The following IGFBPL1 variants were observed in gnomAD, a reference collection of about 807,000 sequenced individuals.
IGFBPL1 encodes insulin like growth factor binding protein like 1.
IGFBPL1 carries 20 observed loss-of-function variants against 23.9 expected under a neutral mutation model. That is an observed-to-expected ratio of 0.84 (90% CI 0.59 to 1.22). IGFBPL1 has a LOEUF of 1.22. Ranked by LOEUF, IGFBPL1 falls within the 50% of genes most tolerant of loss-of-function variation. The pLI is 0.00. For missense variants in IGFBPL1, 436 were observed against 379.3 expected, an observed-to-expected ratio of 1.15 and a Z score of -1.24; for synonymous variants, 184 against 171.8, an observed-to-expected ratio of 1.07 and a Z score of -0.56.
chr9:38,410,687 G>A (rs1821502254), intron 4 of IGFBPL1, among the ~76,000 whole-genome samples: 1 of 152,212 alleles, frequency 6.6e-6, no homozygotes, highest in Non-Finnish European at 1.5e-5. Context: ...TGGAACATGA[G>A]CAAGTGATCA....
intron 1 of IGFBPL1, among the ~76,000 whole-genome samples, chr9:38,421,342 A>G (rs919609212): frequency 2.6e-5 from 4 of 151,458 alleles, no homozygotes; most frequent in Admixed American, 6.6e-5. Context: ...AGAATTATTC[A>G]TATGTGAGTC....
chr9:38,411,246 C>G, intron 4 of IGFBPL1, 145 bp downstream of exon 4: 1 of 650,904 alleles, frequency 1.5e-6, no homozygotes, highest in Non-Finnish European at 2.6e-6. Context: ...TACTGCTCAT[C>G]TAAGTATGTC....
chr9:38,420,874 C>G (rs1375846520), intron 1 of IGFBPL1, among the ~76,000 whole-genome samples: 2 of 152,150 alleles, frequency 1.3e-5, no homozygotes, highest in Non-Finnish European at 2.9e-5. Context: ...CAAACCTACA[C>G]TGGAGCCCTT....
chr9:38,415,505 A>T (rs1313014772), intron 1 of IGFBPL1, among the ~76,000 whole-genome samples: 1 of 152,198 alleles, frequency 6.6e-6, no homozygotes, highest in Non-Finnish European at 1.5e-5. Context: ...CCCTCCAGAC[A>T]GACTGGGAAG....
intron 1 of IGFBPL1, among the ~76,000 whole-genome samples, chr9:38,416,641 T>C (rs948844935): frequency 6.6e-6 from 1 of 151,834 alleles, no homozygotes; most frequent in Non-Finnish European, 1.5e-5. Context: ...CCTCAAAAAA[T>C]GTCATGTTGC....
At chr9:38,412,171 C>A (rs575940426) in intron 3 of IGFBPL1, among the ~76,000 whole-genome samples, 79 of 152,324 alleles carry the variant, frequency 5.2e-4, no homozygotes, top group African/African-American at 1.9e-3. Flanking sequence ...TTTCTCGTTA[C>A]AACCAACCGC....
In IGFBPL1 at chr9:38,407,190, C is replaced by T. The variant is rs534709431; in HGVS notation, c.*2037G>A. 2.0e-5 allele frequency among the ~76,000 whole-genome samples: 3 copies of T among 152,228 alleles called. No homozygotes were observed. The highest frequency in any genetic ancestry group is 4.4e-5 in the Non-Finnish European group (3 of 68,040). On this transcript the variant is annotated 3_prime_UTR_variant, in exon 5 of 5. Transcript: ENST00000377694. ...GAGCAGGTCCCCTGGCAGCTCCAAA[C>T]CCCAGTAGACAAGAACAGCTTCCAG...
rs1264494892 is a variant in IGFBPL1 at position 38,424,078 on chromosome 9, C to A, written c.347G>T (p.Gly116Val). 2.2e-6 allele frequency: 3 copies of A among 1,394,942 alleles called. No individual in the cohort carries two copies. Among genetic ancestry groups the A allele is most frequent in the Non-Finnish European group, 2.8e-6 (3 of 1,079,904 alleles). 86.4% of individuals were successfully genotyped at this position (1,394,942 alleles called of 1,614,324 possible). The change falls in exon 1 of 5, where the codon GGC becomes GTC. Residue 116 changes from glycine to valine, a missense_variant. Coordinates refer to ENST00000377694, the MANE Select transcript of IGFBPL1 (RefSeq NM_001007563.3). ...CVCAQRGTVC[G>V]SDGRSYPSVC... ...GCTGGGGTACGAGCGACCGTCGGAGCCGCAGACGGTGCCGCGCTGCGCGCA... is the reference window on the plus strand; with the variant it reads ...GCTGGGGTACGAGCGACCGTCGGAGACGCAGACGGTGCCGCGCTGCGCGCA...
At chr9:38,417,213 A>AG (rs1407547107) in intron 1 of IGFBPL1, among the ~76,000 whole-genome samples, 1 of 152,168 alleles carries the variant, frequency 6.6e-6, no homozygotes, top group Non-Finnish European at 1.5e-5. Flanking sequence ...CGAGCATTAA[A>AG]GGGTGTAGTG....
rs2118293179 is a variant in IGFBPL1, at chr9:38,408,584, CT to C, written c.*642del. Reference sequence around the variant, plus strand: ...TTAGGAATAGAAGAGCTACAGCCAGCTGTCCACACGTTGGGGTAAAGCAATG... The same window carrying C: ...TTAGGAATAGAAGAGCTACAGCCAGCGTCCACACGTTGGGGTAAAGCAATG... On this transcript the variant is annotated 3_prime_UTR_variant, in exon 5 of 5. Coordinates refer to ENST00000377694, the MANE Select transcript of IGFBPL1 (RefSeq NM_001007563.3). Among the ~76,000 whole-genome samples the C allele has an allele frequency of 6.6e-6, 1 of 152,198 alleles. No individual in the cohort carries two copies. The highest frequency in any genetic ancestry group is 1.9e-4 in the East Asian group (1 of 5,194).
chr9:38,412,110 A>C (rs1019604819), intron 3 of IGFBPL1, among the ~76,000 whole-genome samples: 2 of 152,104 alleles, frequency 1.3e-5, no homozygotes, highest in Non-Finnish European at 1.5e-5. Context: ...CTTAGGGAGC[A>C]CCCCAAGGAT....
intron 1 of IGFBPL1, among the ~76,000 whole-genome samples, chr9:38,419,944 C>A (rs1821656648): frequency 6.6e-6 from 1 of 151,370 alleles, no homozygotes; most frequent in South Asian, 2.1e-4. Context: ...AGGCGGAGTA[C>A]AGTGGCATGA....
In IGFBPL1 at chr9:38,424,345, C is replaced by G; in HGVS notation, c.80G>C (p.Gly27Ala). ...GCGCCGGCCGCCCACGTCGCGGATC[C>G]CAAGGCTCGGGGACAGCGGCGGCAG... ...PLLPPLSPSLGIRDVGGRRPK... is the reference protein window; with the variant it reads ...PLLPPLSPSLAIRDVGGRRPK... The change falls in exon 1 of 5, where the codon GGG (glycine) becomes GCG (alanine). Residue 27 changes from glycine (G) to alanine (A), a missense_variant. By Grantham distance (60) the Gly-to-Ala change is moderately conservative. Transcript: ENST00000377694. 1.1e-6 allele frequency: 1 copy of G among 945,848 alleles called. No individual in the cohort carries two copies. The highest frequency in any genetic ancestry group is 1.5e-6 in the Non-Finnish European group (1 of 652,298). The allele number at this position is 945,848 out of a possible 1,614,324, so 58.6% of individuals were successfully genotyped here.
intron 1 of IGFBPL1, among the ~76,000 whole-genome samples, chr9:38,418,595 A>G (rs111639019): frequency 1.1e-4 from 17 of 152,286 alleles, no homozygotes; most frequent in African/African-American, 4.1e-4. Flanking sequence ...CAGAGCCGCC[A>G]CACTGCCAGA....
rs1821445573 is a variant in IGFBPL1, at chr9:38,407,635, A to T, written c.*1592T>A. 2.6e-5 allele frequency among the ~76,000 whole-genome samples: 4 copies of T among 152,314 alleles called. No homozygotes were observed. The South Asian group carries it at 8.3e-4, about 32-fold the overall frequency. ...CAACATCTGCCTTTACATAGTTTTG[A>T]GATGACCCTGAGTAGCAGCACCGTG... On this transcript the variant is annotated 3_prime_UTR_variant, in exon 5 of 5. Transcript: ENST00000377694.
Position 38,407,028 on chromosome 9 carries a change from T to C in IGFBPL1, c.*2199A>G, listed in dbSNP as rs570733726. On this transcript the variant is annotated 3_prime_UTR_variant, in exon 5 of 5. Coordinates refer to ENST00000377694, the MANE Select transcript of IGFBPL1 (RefSeq NM_001007563.3). The stretch of plus-strand genomic sequence containing the variant: ...AGCATTCCTGTTCCTTCCCACATCA[T>C]TTCACTAAGGGTCTGACCAACTCAT... 6.6e-6 allele frequency among the ~76,000 whole-genome samples: 1 copy of C among 152,274 alleles called. No homozygotes were observed. Among genetic ancestry groups the C allele is most frequent in the Non-Finnish European group, 1.5e-5 (1 of 68,012 alleles).
At chr9:38,419,158 A>G (rs906289853) in intron 1 of IGFBPL1, among the ~76,000 whole-genome samples, 2 of 152,108 alleles carry the variant, frequency 1.3e-5, no homozygotes, top group Non-Finnish European at 2.9e-5. Flanking sequence ...AATCCCTCTG[A>G]GATTTCTTTA....
intron 1 of IGFBPL1, among the ~76,000 whole-genome samples, chr9:38,418,400 C>A (rs1277118380): frequency 6.6e-6 from 1 of 152,322 alleles, no homozygotes; most frequent in Admixed American, 6.5e-5. Flanking sequence ...TTGCAAGACC[C>A]CTTACAAACT....
intron 2 of IGFBPL1, among the ~76,000 whole-genome samples, chr9:38,413,584 C>T (rs1821548357): frequency 1.3e-5 from 2 of 152,180 alleles, no homozygotes; most frequent in African/African-American, 4.8e-5. Flanking sequence ...ACCACCATCC[C>T]ACAGAAAGAT....
Sources: gnomAD v4.1 joint callset for allele counts (sites outside exome capture counted in the v4.1 genomes callset) on GRCh38, gnomAD v4.1.1 for gene constraint, MANE v1.5 for transcripts, NCBI Gene and HGNC (gene_info 2026-07-23, HGNC 2026-07-21) for gene names.